The following PPM1L variants were observed in gnomAD, a reference collection of about 807,000 sequenced individuals.
PPM1L encodes protein phosphatase, Mg2+/Mn2+ dependent 1L, also known as protein phosphatase 1L.
PPM1L carries 13 observed loss-of-function variants against 31.4 expected under a neutral mutation model. The ratio of observed to expected loss-of-function variants is 0.41; its 90% CI spans 0.27 to 0.66. The LOEUF is 0.66. Ranked by LOEUF, PPM1L falls within the 30% of genes least tolerant of loss-of-function variation. The pLI is 0.29. For synonymous variants in PPM1L, 184 were observed against 175.4 expected, an observed-to-expected ratio of 1.05 and a Z score of -0.39; for missense variants, 326 against 453.7, an observed-to-expected ratio of 0.72 and a Z score of 2.56.
rs1715090315 is a variant in PPM1L at position 160,765,908 on chromosome 3, A to C, written c.399+9201A>C. ...AAATATCATTTTCTCATTTGTTTAT[A>C]ATACTGAGTTGGTATGTTTAGTTTG... On this transcript the variant is annotated intron_variant, in intron 1 of 3. Coordinates refer to ENST00000498165, the MANE Select transcript of PPM1L (RefSeq NM_139245.4). Among the ~76,000 whole-genome samples, 2 of 152,146 alleles carry C rather than the reference A, an allele frequency of 1.3e-5. 1 individual carries two copies.
chr3:160,971,280 G>A (rs568690045), intron 2 of PPM1L, among the ~76,000 whole-genome samples: 2 of 152,288 alleles, frequency 1.3e-5, no homozygotes, highest in African/African-American at 2.4e-5. Context: ...TCGTAACAAT[G>A]TGTGATTTTT....
At chr3:161,002,150 C>T (rs1576773794) in intron 2 of PPM1L, among the ~76,000 whole-genome samples, 1 of 152,166 alleles carries the variant, frequency 6.6e-6, no homozygotes, top group Non-Finnish European at 1.5e-5. Flanking sequence ...ATCCATGTCC[C>T]TACAAACGAC....
intron 2 of PPM1L, among the ~76,000 whole-genome samples, chr3:161,031,502 C>CTTTTTTTT (rs760907219): frequency 0.26 from 26,257 of 99,604 alleles, 5,116 homozygotes; most frequent in East Asian, 0.62. Context: ...GTATTCTGTC[C>CTTTTTTTT]TTTTTTTTTT....
intron 1 of PPM1L, among the ~76,000 whole-genome samples, chr3:160,937,514 G>A (rs1271417547): frequency 6.6e-6 from 1 of 152,150 alleles, no homozygotes; most frequent in African/African-American, 2.4e-5. Flanking sequence ...CAGCTACTTG[G>A]GAGGCTAAGG....
At chr3:160,838,897 A>T (rs540656612) in intron 1 of PPM1L, among the ~76,000 whole-genome samples, 1 of 152,336 alleles carries the variant, frequency 6.6e-6, no homozygotes, top group African/African-American at 2.4e-5. Flanking sequence ...ATGTATTGGA[A>T]ACTTAATACC....
rs150935606 is a variant in PPM1L, at chr3:161,018,264, A to G, written c.575-47139A>G. Among the ~76,000 whole-genome samples, 335 of 152,326 alleles carry G rather than the reference A, an allele frequency of 2.2e-3. 2 individuals are homozygous for G. Among genetic ancestry groups the G allele is most frequent in the African/African-American group, 7.6e-3 (314 of 41,580 alleles). On this transcript the variant is annotated intron_variant, in intron 2 of 3. Transcript: ENST00000498165. The stretch of plus-strand genomic sequence containing the variant: ...GATTTGCATTTACACATAAAAGACC[A>G]TAACGCATCAATTTTAGAAAGAGCT...
intron 1 of PPM1L, among the ~76,000 whole-genome samples, chr3:160,810,523 T>A (rs1576648713): frequency 6.6e-6 from 1 of 152,312 alleles, no homozygotes; most frequent in African/African-American, 2.4e-5. Context: ...TTTTCCACTC[T>A]GTAGTTACCA....
At chr3:160,916,257 A>G (rs1040504609) in intron 1 of PPM1L, among the ~76,000 whole-genome samples, 7 of 152,216 alleles carry the variant, frequency 4.6e-5, no homozygotes, top group African/African-American at 1.7e-4. Context: ...AAGGATATGA[A>G]CAGACACTTC....
chr3:160,908,568 A>G (rs1713843895), intron 1 of PPM1L, among the ~76,000 whole-genome samples: 2 of 152,194 alleles, frequency 1.3e-5, no homozygotes, highest in South Asian at 4.1e-4. Context: ...CAGATACTAT[A>G]ACATAGAAGC....
intron 1 of PPM1L, among the ~76,000 whole-genome samples, chr3:160,827,717 G>A (rs935802296): frequency 1.3e-5 from 2 of 152,136 alleles, no homozygotes; most frequent in African/African-American, 2.4e-5. Flanking sequence ...GACTGAAACA[G>A]ATTCATGTGT....
chr3:160,864,827 G>T (rs1183650655), intron 1 of PPM1L, among the ~76,000 whole-genome samples: 1 of 152,162 alleles, frequency 6.6e-6, no homozygotes, highest in Non-Finnish European at 1.5e-5. Flanking sequence ...ATAAAGGGAA[G>T]ATGGTTGTAG....
intron 2 of PPM1L, among the ~76,000 whole-genome samples, chr3:161,039,811 C>T (rs539597686): frequency 1.3e-5 from 2 of 152,160 alleles, no homozygotes; most frequent in East Asian, 1.9e-4. Context: ...CCACTGCGCC[C>T]GGCCATACCT....
At chr3:161,065,337 A>G in intron 2 of PPM1L, 66 bp from the exon 3 acceptor site, 6 of 1,509,680 alleles carry the variant, frequency 4.0e-6, no homozygotes, top group African/African-American at 1.4e-5. Context: ...TCCAGTTACC[A>G]CAAGAAGCAA....
intron 2 of PPM1L, among the ~76,000 whole-genome samples, chr3:160,993,344 C>T (rs572429206): frequency 4.6e-5 from 7 of 152,036 alleles, no homozygotes; most frequent in African/African-American, 1.7e-4. Flanking sequence ...AGATTAGTCT[C>T]GAGTTTGATA....
At chr3:160,901,429 G>C (rs756995980) in intron 1 of PPM1L, among the ~76,000 whole-genome samples, 4 of 152,018 alleles carry the variant, frequency 2.6e-5, no homozygotes, top group African/African-American at 9.6e-5. Context: ...TTTTTATAAG[G>C]GTCTACAGGA....
rs1384955514 is a variant in PPM1L, at chr3:161,074,302, T to G, written c.*5145T>G. The G allele has an allele frequency of 6.6e-6, 1 of 152,246 alleles. No homozygotes were observed. The highest frequency in any genetic ancestry group is 1.5e-5 in the Non-Finnish European group (1 of 68,044). 9.4% of individuals were successfully genotyped at this position (152,246 alleles called of 1,614,324 possible). On this transcript the variant is annotated 3_prime_UTR_variant, in exon 4 of 4. Transcript: ENST00000498165. Reference sequence around the variant, plus strand: ...GGCATGTTATCTCTTGCCTAAAATGTGAGGCCTTCCTGTAGTTCCACAGTA... The same window carrying G: ...GGCATGTTATCTCTTGCCTAAAATGGGAGGCCTTCCTGTAGTTCCACAGTA...
intron 1 of PPM1L, among the ~76,000 whole-genome samples, chr3:160,837,091 G>A (rs1713740328): frequency 6.6e-6 from 1 of 151,804 alleles, no homozygotes; most frequent in African/African-American, 2.4e-5. Context: ...TCTTTAAATG[G>A]ACCTACTTTA....
At chr3:160,915,199 T>C (rs1366859151) in intron 1 of PPM1L, among the ~76,000 whole-genome samples, 3 of 151,784 alleles carry the variant, frequency 2.0e-5, no homozygotes, top group South Asian at 2.1e-4. Flanking sequence ...TGATATGCAA[T>C]TTCAGCAAAG....
At chr3:160,758,354 A>G (rs77302564) in intron 1 of PPM1L, among the ~76,000 whole-genome samples, 1,980 of 152,276 alleles carry the variant, frequency 0.013, 47 homozygotes, top group African/African-American at 0.046. Context: ...CCTAAATTCA[A>G]TGAGGGTGAA....
Sources: gnomAD v4.1 joint callset for allele counts (sites outside exome capture counted in the v4.1 genomes callset) on GRCh38, gnomAD v4.1.1 for gene constraint, MANE v1.5 for transcripts, NCBI Gene and HGNC (gene_info 2026-07-23, HGNC 2026-07-21) for gene names.